The following CHSY3 variants were observed in gnomAD, a reference collection of about 807,000 sequenced individuals.
CHSY3 encodes the protein N-acetylgalactosaminyl-proteoglycan 3-beta-glucuronosyltransferase 3.
CHSY3 carries 35 observed loss-of-function variants against 67.2 expected under a neutral mutation model. That is an observed-to-expected ratio of 0.52 (90% CI 0.40 to 0.69). The LOEUF is 0.69. CHSY3 is among the 30% of genes least tolerant of loss of function. The pLI, the probability that CHSY3 is intolerant of heterozygous loss-of-function variation, is 0.00. For missense variants in CHSY3, 1,069 were observed against 1,138.5 expected, an observed-to-expected ratio of 0.94 and a Z score of 0.88; for synonymous variants, 474 against 434.7, an observed-to-expected ratio of 1.09 and a Z score of -1.12.
At chr5:129,962,168 A>G (rs1026339555) in intron 2 of CHSY3, among the ~76,000 whole-genome samples, 4 of 151,932 alleles carry the variant, frequency 2.6e-5, no homozygotes, top group African/African-American at 7.3e-5. Context: ...AATCATTCCA[A>G]TCAAGACTCA....
Position 129,904,612 on chromosome 5 carries a change from G to A in CHSY3, c.-218G>A. ...GTTTCACTCCCGACCCTTGCTCGGAGCCCCGGCCCAGAGCTGAGCGGGAGC... is the reference window on the plus strand; with the variant it reads ...GTTTCACTCCCGACCCTTGCTCGGAACCCCGGCCCAGAGCTGAGCGGGAGC... On this transcript the variant is annotated 5_prime_UTR_variant, in exon 1 of 3. Transcript: ENST00000305031. The A allele has an allele frequency of 1.4e-6, 1 of 709,808 alleles. No homozygotes were observed. The highest frequency in any genetic ancestry group is 4.1e-5 in the East Asian group (1 of 24,404). 44.0% of individuals were successfully genotyped at this position (709,808 alleles called of 1,614,324 possible). A position where few individuals can be genotyped will look rare whatever the true frequency, so the allele number is the denominator to read the frequency against.
rs1160513285 is a variant in CHSY3 at position 130,130,565 on chromosome 5, T to C, written c.1087-53664T>C. Among the ~76,000 whole-genome samples, 3 of 152,290 alleles carry C rather than the reference T, an allele frequency of 2.0e-5. No individual in the cohort carries two copies. The East Asian group carries it at 5.8e-4, about 29-fold the overall frequency. On this transcript the variant is annotated intron_variant, in intron 2 of 2. Coordinates refer to ENST00000305031, the MANE Select transcript of CHSY3 (RefSeq NM_175856.5). Reference sequence around the variant, plus strand: ...GGAGTCTAAAACTTCTCCTAGTCTTTGACCAAGACTTACAGAAGATGCCCC... The same window carrying C: ...GGAGTCTAAAACTTCTCCTAGTCTTCGACCAAGACTTACAGAAGATGCCCC...
At chr5:130,144,033 AG>A (rs1172538456) in intron 2 of CHSY3, among the ~76,000 whole-genome samples, 1 of 151,068 alleles carries the variant, frequency 6.6e-6, no homozygotes, top group Non-Finnish European at 1.5e-5. Flanking sequence ...CGTTCAATCT[AG>A]GGTGTCTAGA....
intron 2 of CHSY3, among the ~76,000 whole-genome samples, chr5:129,961,012 C>G (rs1762313896): frequency 6.6e-6 from 1 of 152,012 alleles, no homozygotes; most frequent in Admixed American, 6.6e-5. Context: ...GAAATTCTTC[C>G]CAGAGTGACT....
intron 2 of CHSY3, among the ~76,000 whole-genome samples, chr5:130,130,771 C>T (rs986780063): frequency 6.6e-6 from 1 of 152,182 alleles, no homozygotes; most frequent in African/African-American, 2.4e-5. Context: ...GGTCCACAAA[C>T]CTCCACAGAG....
intron 2 of CHSY3, among the ~76,000 whole-genome samples, chr5:129,933,309 G>T (rs983398617): frequency 5.3e-5 from 8 of 152,114 alleles, no homozygotes; most frequent in Non-Finnish European, 1.0e-4. Flanking sequence ...TCAGCTTGAG[G>T]AATATTTTGA....
intron 2 of CHSY3, among the ~76,000 whole-genome samples, chr5:130,115,312 G>T (rs1403364282): frequency 6.6e-6 from 1 of 151,768 alleles, no homozygotes; most frequent in Non-Finnish European, 1.5e-5. Context: ...ATGTTTTAAT[G>T]GTAATATATT....
chr5:130,003,213 A>G (rs1267579291), intron 2 of CHSY3, among the ~76,000 whole-genome samples: 5 of 152,232 alleles, frequency 3.3e-5, no homozygotes, highest in African/African-American at 1.2e-4. Context: ...TGTGGTAGGA[A>G]GCATTATTAT....
chr5:130,074,145 A>G (rs1364418882), intron 2 of CHSY3, among the ~76,000 whole-genome samples: 2 of 152,080 alleles, frequency 1.3e-5, no homozygotes, highest in Non-Finnish European at 2.9e-5. Flanking sequence ...AACTCAGCTC[A>G]CTACAACCTC....
intron 2 of CHSY3, among the ~76,000 whole-genome samples, chr5:130,070,425 G>A (rs930464360): frequency 6.6e-6 from 1 of 152,068 alleles, no homozygotes; most frequent in Non-Finnish European, 1.5e-5. Flanking sequence ...TGATTGAAAG[G>A]CAAAGAGCTT....
Position 130,184,924 on chromosome 5 carries a change from C to G in CHSY3, c.1782C>G (p.Phe594Leu), listed in dbSNP as rs754817149. Residue 594 changes from phenylalanine (F) to leucine (L), a missense_variant, in exon 3 of 3, where the codon TTC (phenylalanine) becomes TTG (leucine). By Grantham distance (22) the Phe-to-Leu change is conservative (BLOSUM62 0). Around this residue, in one of 5 missense-constraint regions of CHSY3, gnomAD observed 401 missense variants for 395.2 expected, o/e 1.01. Transcript: ENST00000305031. Reference protein sequence around the residue: ...VESINSETQSFSFISNSLKIL... With the variant: ...VESINSETQSLSFISNSLKIL... Reference sequence around the variant, plus strand: ...GTATTAACAGTGAAACTCAGTCATTCTCCTTTATATCTAATTCTTTAAAGA... The same window carrying G: ...GTATTAACAGTGAAACTCAGTCATTGTCCTTTATATCTAATTCTTTAAAGA... 1.1e-5 allele frequency: 17 copies of G among 1,546,982 alleles called. No homozygotes were observed. The highest frequency in any genetic ancestry group is 1.4e-5 in the Non-Finnish European group (16 of 1,119,208).
At chr5:129,905,718 G>A in intron 1 of CHSY3, 87 bp downstream of exon 1, 1 of 1,539,982 alleles carries the variant, frequency 6.5e-7, no homozygotes, top group Admixed American at 1.8e-5. Flanking sequence ...CAGCCCCTCC[G>A]CTGCTTCTCT....
chr5:129,986,122 T>A (rs546844714), intron 2 of CHSY3, among the ~76,000 whole-genome samples: 34 of 152,318 alleles, frequency 2.2e-4, no homozygotes, highest in African/African-American at 7.7e-4. Context: ...ATGGGAATAC[T>A]CCCAGCTTTT....
intron 2 of CHSY3, among the ~76,000 whole-genome samples, chr5:130,105,870 C>T (rs1375196034): frequency 6.6e-6 from 1 of 151,568 alleles, no homozygotes; most frequent in Non-Finnish European, 1.5e-5. Context: ...ATACTCTGTT[C>T]TCAAAGTTCC....
chr5:130,141,544 C>A, intron 2 of CHSY3: 1 of 400,936 alleles, frequency 2.5e-6, no homozygotes, highest in South Asian at 2.2e-5. Context: ...TGACAAGGGC[C>A]ATTTGAGCAA....
intron 2 of CHSY3, among the ~76,000 whole-genome samples, chr5:129,921,437 T>C (rs1202814576): frequency 6.6e-6 from 1 of 152,194 alleles, no homozygotes. Flanking sequence ...TGGAACAAGA[T>C]GACTCAAGAT....
chr5:129,955,520 GTATT>G (rs1200228668), intron 2 of CHSY3, among the ~76,000 whole-genome samples: 3 of 145,578 alleles, frequency 2.1e-5, no homozygotes, highest in Admixed American at 6.9e-5. Context: ...TAAGATATAT[GTATT>G]TATTATTATA....
At chr5:130,163,701 CTT>C (rs1437541801) in intron 2 of CHSY3, among the ~76,000 whole-genome samples, 1 of 152,024 alleles carries the variant, frequency 6.6e-6, no homozygotes, top group Non-Finnish European at 1.5e-5. Context: ...CCAAAATAAA[CTT>C]AACAGTTTAA....
At chr5:130,105,066 CA>C (rs1767372307) in intron 2 of CHSY3, among the ~76,000 whole-genome samples, 1 of 151,318 alleles carries the variant, frequency 6.6e-6, no homozygotes, top group South Asian at 2.1e-4. Flanking sequence ...CAAGGGGCCC[CA>C]AGTAGTTTTT....
Sources: allele counts gnomAD v4.1 joint callset (sites outside exome capture counted in the v4.1 genomes callset), GRCh38; gene constraint gnomAD v4.1.1; regional missense constraint gnomAD v4.1.1; transcripts MANE v1.5; gene names NCBI Gene and HGNC (gene_info 2026-07-23, HGNC 2026-07-21).